The following KIAA1217 variants were observed in gnomAD, a reference collection of about 807,000 sequenced individuals.
KIAA1217 encodes sickle tail protein homolog.
A neutral mutation model predicts 163.9 loss-of-function variants in KIAA1217; 88 were observed. That is an observed-to-expected ratio of 0.54 (90% confidence interval 0.45 to 0.64). KIAA1217 has a LOEUF of 0.64. KIAA1217 is among the 30% of genes least tolerant of loss of function. KIAA1217 has a pLI of 0.00. For synonymous variants in KIAA1217, 903 were observed against 923.1 expected, an observed-to-expected ratio of 0.98 and a Z score of 0.39; for missense variants, 2,372 against 2,475.0, an observed-to-expected ratio of 0.96 and a Z score of 0.88.
At chr10:24,024,717 C>T (rs559794260) in intron 2 of KIAA1217, among the ~76,000 whole-genome samples, 12 of 151,684 alleles carry the variant, frequency 7.9e-5, no homozygotes, top group Non-Finnish European at 1.6e-4. Context: ...TCCACATTCT[C>T]ACCATAATTT....
intron 2 of KIAA1217, among the ~76,000 whole-genome samples, chr10:24,220,167 G>C (rs764805589): frequency 1.2e-4 from 18 of 152,122 alleles, no homozygotes; most frequent in Non-Finnish European, 2.5e-4. Flanking sequence ...AGAGTATGCA[G>C]TTCCCCAAAA....
chr10:24,255,417 C>T (rs1295584733), intron 2 of KIAA1217: 3 of 379,434 alleles, frequency 7.9e-6, no homozygotes, highest in Non-Finnish European at 1.6e-5. Flanking sequence ...GCGGGCGGGT[C>T]CCGCCACCCG....
chr10:24,309,786 T>G (rs534417606), intron 2 of KIAA1217, among the ~76,000 whole-genome samples: 1 of 152,280 alleles, frequency 6.6e-6, no homozygotes, highest in South Asian at 2.1e-4. Context: ...TAATCCATCT[T>G]GCGTGCACCC....
intron 1 of KIAA1217, among the ~76,000 whole-genome samples, chr10:23,702,284 A>C (rs1836511356): frequency 6.6e-6 from 1 of 152,192 alleles, no homozygotes; most frequent in African/African-American, 2.4e-5. Context: ...GACTCCAGTT[A>C]TAATCATACA....
At chr10:24,119,448 A>T (rs1217704673) in intron 2 of KIAA1217, among the ~76,000 whole-genome samples, 3 of 152,024 alleles carry the variant, frequency 2.0e-5, no homozygotes, top group Admixed American at 6.6e-5. Context: ...ATGTGTAAAA[A>T]TTTTTAAAAA....
intron 2 of KIAA1217, among the ~76,000 whole-genome samples, chr10:24,377,945 C>A (rs2052734439): frequency 6.6e-6 from 1 of 152,108 alleles, no homozygotes; most frequent in South Asian, 2.1e-4. Flanking sequence ...ATTGGAAGGA[C>A]CCCACAGTGT....
chr10:24,489,581 A>G (rs1275543064), intron 6 of KIAA1217, among the ~76,000 whole-genome samples: 1 of 152,048 alleles, frequency 6.6e-6, no homozygotes, highest in Non-Finnish European at 1.5e-5. Context: ...AAAAAGTTAT[A>G]TAAGTGGGCC....
intron 2 of KIAA1217, among the ~76,000 whole-genome samples, chr10:24,246,174 A>C (rs1323535530): frequency 6.6e-6 from 1 of 152,144 alleles, no homozygotes; most frequent in Non-Finnish European, 1.5e-5. Context: ...GCCAATTTTC[A>C]ATTTCTCCCT....
chr10:24,527,499 T>TA (rs35172680), intron 13 of KIAA1217, among the ~76,000 whole-genome samples: 16,315 of 142,024 alleles, frequency 0.11, 1,312 homozygotes, highest in African/African-American at 0.24. Flanking sequence ...CATTGCTACT[T>TA]AAAAAAAAAA....
chr10:24,265,865 A>G (rs961030822), intron 2 of KIAA1217, among the ~76,000 whole-genome samples: 3 of 152,144 alleles, frequency 2.0e-5, no homozygotes, highest in African/African-American at 7.2e-5. Context: ...GGGGGACTGA[A>G]ATAGTGTAGA....
chr10:24,023,795 C>T (rs746379411), intron 2 of KIAA1217, among the ~76,000 whole-genome samples: 4 of 151,534 alleles, frequency 2.6e-5, no homozygotes, highest in Non-Finnish European at 4.4e-5. Context: ...TGAAAAAACA[C>T]AAATACGTAT....
At chr10:23,783,100 A>T (rs1399761111) in intron 1 of KIAA1217, among the ~76,000 whole-genome samples, 1 of 152,214 alleles carries the variant, frequency 6.6e-6, no homozygotes, top group South Asian at 2.1e-4. Context: ...AGGGTTTTCC[A>T]ATCTTTTGGC....
intron 2 of KIAA1217, among the ~76,000 whole-genome samples, chr10:24,360,724 C>T (rs1267137337): frequency 1.3e-5 from 2 of 152,134 alleles, no homozygotes; most frequent in East Asian, 3.9e-4. Context: ...TGTGGTGCAA[C>T]TCGAAACGTA....
chr10:24,442,460 A>G (rs901092741), intron 5 of KIAA1217, among the ~76,000 whole-genome samples: 1 of 152,168 alleles, frequency 6.6e-6, no homozygotes, highest in Non-Finnish European at 1.5e-5. Context: ...CCTTGAAGCC[A>G]TATCCCTAAC....
chr10:24,343,098 A>G (rs1445325891), intron 2 of KIAA1217, among the ~76,000 whole-genome samples: 2 of 152,052 alleles, frequency 1.3e-5, no homozygotes, highest in Admixed American at 6.5e-5. Context: ...TCTTTATCCA[A>G]TTTCTTACGA....
intron 1 of KIAA1217, among the ~76,000 whole-genome samples, chr10:23,758,850 C>T (rs979886436): frequency 6.6e-6 from 1 of 151,548 alleles, no homozygotes; most frequent in Non-Finnish European, 1.5e-5. Context: ...CCACACCTGG[C>T]TAATTTTTGT....
At chr10:24,326,055 C>G (rs2133410411) in intron 2 of KIAA1217, among the ~76,000 whole-genome samples, 1 of 152,246 alleles carries the variant, frequency 6.6e-6, no homozygotes, top group Non-Finnish European at 1.5e-5. Context: ...AGTGATGTTT[C>G]CATCACTCCA....
intron 1 of KIAA1217, among the ~76,000 whole-genome samples, chr10:23,949,367 C>G (rs1844220295): frequency 6.6e-6 from 1 of 152,248 alleles, no homozygotes; most frequent in Middle Eastern, 3.4e-3. Context: ...TATGTATTTA[C>G]AGTTTCAGTT....
intron 2 of KIAA1217, among the ~76,000 whole-genome samples, chr10:24,018,020 A>G (rs1358875398): frequency 2.0e-5 from 3 of 152,090 alleles, no homozygotes; most frequent in Admixed American, 6.6e-5. Context: ...AGCCCCCCAA[A>G]AAGTAAGATC....
Sources: gnomAD v4.1 joint callset for allele counts (sites outside exome capture counted in the v4.1 genomes callset) on GRCh38, gnomAD v4.1.1 for gene constraint, MANE v1.5 for transcripts, NCBI Gene and HGNC (gene_info 2026-07-23, HGNC 2026-07-21) for gene names.